The following POTEC variants were observed in gnomAD, a reference collection of about 807,000 sequenced individuals.
The protein encoded by POTEC is POTE ankyrin domain family member C.
In POTEC, 35 loss-of-function variants were observed where a neutral mutation model predicts 62.0. The ratio of observed to expected loss-of-function variants is 0.56; its 90% CI spans 0.43 to 0.75. The LOEUF (loss-of-function observed/expected upper bound fraction) is 0.75, where lower values mean the gene tolerates loss of function less well. Among genes scored for constraint, POTEC ranks in the 30% least tolerant of loss-of-function variants. The pLI, the probability that POTEC is intolerant of heterozygous loss-of-function variation, is 0.00. For synonymous variants in POTEC, 156 were observed against 221.5 expected, an observed-to-expected ratio of 0.70 and a Z score of 2.62; for missense variants, 472 against 655.9, an observed-to-expected ratio of 0.72 and a Z score of 3.06.
In POTEC at chr18:14,543,013, G is replaced by A. The variant is rs762547258; in HGVS notation, c.134C>T (p.Thr45Ile). 8.1e-6 allele frequency: 13 copies of A among 1,613,446 alleles called. No homozygotes were observed. In the African/African-American group the frequency reaches 1.1e-4, roughly 13 times the overall value. The change falls in exon 1 of 11, where the codon ACT (threonine) becomes ATT (isoleucine). Residue 45 changes from threonine to isoleucine, a missense_variant. Thr to Ile is a moderately conservative substitution (Grantham distance 89, BLOSUM62 -1). Around this residue, in one of 5 missense-constraint regions of POTEC, gnomAD observed 257 missense variants for 250.7 expected, o/e 1.03. Coordinates refer to ENST00000358970, the MANE Select transcript of POTEC (RefSeq NM_001137671.2). ...AAAGGAGTCGTCGTGGTCTCCAGAAGTGCCCATGTTGCTCTTGCCGCTCCC... is the reference window on the plus strand; with the variant it reads ...AAAGGAGTCGTCGTGGTCTCCAGAAATGCCCATGTTGCTCTTGCCGCTCCC... ...CKGSGKSNMG[T>I]SGDHDDSFMK...
chr18:14,543,442 A>C lies in POTEC; in HGVS notation c.-296T>G. On this transcript the variant is annotated 5_prime_UTR_variant, in exon 1 of 11. Transcript: ENST00000358970. Reference sequence around the variant, plus strand: ...GTCAAGGGAATGCCAAACCCAGCAGAGAAAAAGTCAAGCCCAGCAAAGGAA... The same window carrying C: ...GTCAAGGGAATGCCAAACCCAGCAGCGAAAAAGTCAAGCCCAGCAAAGGAA... 1.8e-6 allele frequency: 1 copy of C among 568,574 alleles called. No homozygotes were observed. 35.2% of individuals were successfully genotyped at this position (568,574 alleles called of 1,614,324 possible).
chr18:14,524,616 G>C (rs1910389773), intron 7 of POTEC, among the ~76,000 whole-genome samples: 1 of 151,874 alleles, frequency 6.6e-6, no homozygotes, highest in Non-Finnish European at 1.5e-5. Context: ...AATCAAAAAG[G>C]CAGATAAGAA....
chr18:14,543,134 C>A lies in POTEC; in HGVS notation c.13G>T (p.Val5Phe). MVTE[V>F]CSMPAASAVK... ...GCAGAGGCAGCGGGCATTGAACAAACCTCAGTCACCATCTGCTTTTAACAG... is the reference window on the plus strand; with the variant it reads ...GCAGAGGCAGCGGGCATTGAACAAAACTCAGTCACCATCTGCTTTTAACAG... The change falls in exon 1 of 11, where the codon GTT becomes TTT. Residue 5 changes from valine to phenylalanine, a missense_variant. By Grantham distance (50) the Val-to-Phe change is conservative. Transcript: ENST00000358970. The A allele has an allele frequency of 6.2e-7, 1 of 1,613,904 alleles. No homozygotes were observed. The highest frequency in any genetic ancestry group is 8.5e-7 in the Non-Finnish European group (1 of 1,179,858).
Position 14,508,259 on chromosome 18 carries a change from T to C in POTEC, c.*3639A>G, listed in dbSNP as rs1909898634. The C allele has an allele frequency of 6.6e-6, 1 of 152,656 alleles. No individual in the cohort carries two copies. Among genetic ancestry groups the C allele is most frequent in the African/African-American group, 2.4e-5 (1 of 41,464 alleles). 9.5% of individuals were successfully genotyped at this position (152,656 alleles called of 1,614,324 possible). A position where few individuals can be genotyped will look rare whatever the true frequency, so the allele number is the denominator to read the frequency against. On this transcript the variant is annotated 3_prime_UTR_variant, in exon 11 of 11. Transcript: ENST00000358970. The stretch of plus-strand genomic sequence containing the variant: ...CCATATTTCTCGGATGTTTTGTTCA[T>C]TCCCTTTCATTCTTTTTTCCCCCAT...
chr18:14,519,718 AAAAAAG>A (rs1318551810), intron 9 of POTEC, among the ~76,000 whole-genome samples: 1 of 152,090 alleles, frequency 6.6e-6, no homozygotes, highest in African/African-American at 2.4e-5. Context: ...CTCTGTCTCC[AAAAAAG>A]AAAAAGAAAA....
At position 14,542,665 on chromosome 18, in the gene POTEC, A is replaced by G; in HGVS notation, c.482T>C (p.Leu161Pro). ...CCTCTTGTTCATGTCCGTGTCCCTG[A>G]GCATGACGATGAGATCCTTTCTGGG... ...KVPRKDLIVM[L>P]RDTDMNKRDK... is the part of the protein sequence containing the mutation. Residue 161 changes from leucine (L) to proline (P), a missense_variant, in exon 1 of 11, where the codon CTC becomes CCC. This residue lies in a region of POTEC where 257 missense variants were observed against 250.7 expected (regional missense o/e 1.03). Transcript: ENST00000358970. 1 of 1,612,752 alleles carries G rather than the reference A, an allele frequency of 6.2e-7. No individual in the cohort carries two copies. Among genetic ancestry groups the G allele is most frequent in the Non-Finnish European group, 8.5e-7 (1 of 1,179,940 alleles).
chr18:14,525,330 A>T (rs567910132), intron 6 of POTEC, among the ~76,000 whole-genome samples: 1 of 152,240 alleles, frequency 6.6e-6, no homozygotes, highest in African/African-American at 2.4e-5. Flanking sequence ...TTAGTTTTAA[A>T]GAGAAACAAG....
rs769386713 is a variant in POTEC, at chr18:14,529,064, C to T, written c.1126+1419G>A. On this transcript the variant is annotated intron_variant, in intron 6 of 10. Coordinates refer to ENST00000358970, the MANE Select transcript of POTEC (RefSeq NM_001137671.2). ...TCTTTACCTAGAAAAATTCTTCTCACTCTGCATGCTTACCTTGAATCATAC... is the reference window on the plus strand; with the variant it reads ...TCTTTACCTAGAAAAATTCTTCTCATTCTGCATGCTTACCTTGAATCATAC... The T allele has an allele frequency of 6.6e-5, 30 of 453,990 alleles. 1 individual carries two copies. The highest frequency in any genetic ancestry group is 4.5e-4 in the South Asian group (29 of 64,402). The allele number at this position is 453,990 out of a possible 1,614,324, so 28.1% of individuals were successfully genotyped here.
In POTEC at chr18:14,510,472, G is replaced by A. The variant is rs1252296033; in HGVS notation, c.*1426C>T. On this transcript the variant is annotated 3_prime_UTR_variant, in exon 11 of 11. Coordinates refer to ENST00000358970, the MANE Select transcript of POTEC (RefSeq NM_001137671.2). ...TGCCCATCGAGGAGATATGGAAATG[G>A]GCACCCACATAACAGTCTGGCCACT... 6.6e-6 allele frequency: 1 copy of A among 151,692 alleles called. No individual in the cohort carries two copies. Among genetic ancestry groups the A allele is most frequent in the South Asian group, 2.1e-4 (1 of 4,782 alleles). The allele number at this position is 151,692 out of a possible 1,614,324, so 9.4% of individuals were successfully genotyped here.
At chr18:14,512,729 C>T (rs1330534892) in intron 10 of POTEC, among the ~76,000 whole-genome samples, 3 of 152,150 alleles carry the variant, frequency 2.0e-5, no homozygotes, top group African/African-American at 7.2e-5. Context: ...TGAGTTTGTG[C>T]CACTGCACTC....
In POTEC at chr18:14,537,211, A is replaced by ACACACACACACAC. The variant is rs1555624120; in HGVS notation, c.810+589_810+590insGTGTGTGTGTGTG. On this transcript the variant is annotated intron_variant, in intron 3 of 10. Coordinates refer to ENST00000358970, the MANE Select transcript of POTEC (RefSeq NM_001137671.2). ...CACACACACACACACACACACACAC[A>ACACACACACACAC]AAAAAAAAAAAAAACAAAAAAAAAC... Among the ~76,000 whole-genome samples, 20 of 49,030 alleles carry ACACACACACACAC rather than the reference A, an allele frequency of 4.1e-4. No homozygotes were observed. In the East Asian group the frequency reaches 9.4e-3, roughly 23 times the overall value. 32.2% of individuals were successfully genotyped at this position (49,030 alleles called of 152,430 possible). A position where few individuals can be genotyped will look rare whatever the true frequency, so the allele number is the denominator to read the frequency against.
rs537779282 is a variant in POTEC at position 14,540,982 on chromosome 18, C to T, written c.521+1644G>A. Among the ~76,000 whole-genome samples the T allele has an allele frequency of 1.6e-3, 245 of 152,142 alleles. 2 individuals are homozygous for T. The highest frequency in any genetic ancestry group is 3.3e-3 in the South Asian group (16 of 4,814). Reference sequence around the variant, plus strand: ...CTCAGCTCACTGCAACCTCCGTCTCCCTGGTTCAAGCAATTCTCCTGCCTC... The same window carrying T: ...CTCAGCTCACTGCAACCTCCGTCTCTCTGGTTCAAGCAATTCTCCTGCCTC... On this transcript the variant is annotated intron_variant, in intron 1 of 10. Coordinates refer to ENST00000358970, the MANE Select transcript of POTEC (RefSeq NM_001137671.2).
chr18:14,534,479 G>C (rs1905640223), intron 4 of POTEC, among the ~76,000 whole-genome samples: 1 of 151,464 alleles, frequency 6.6e-6, no homozygotes, highest in Non-Finnish European at 1.5e-5. Flanking sequence ...AAAGATAAAA[G>C]GATTTTCAAC....
At chr18:14,516,295 ATT>A (rs1232942854) in intron 9 of POTEC, among the ~76,000 whole-genome samples, 323 of 25,324 alleles carry the variant, frequency 0.013, 28 homozygotes, top group South Asian at 0.048. Flanking sequence ...AATAAAGAAA[ATT>A]TTATATATAT....
rs767241330 is a variant in POTEC at position 14,537,920 on chromosome 18, C to A, written c.691G>T (p.Asp231Tyr). 8.1e-6 allele frequency: 13 copies of A among 1,612,488 alleles called. No individual in the cohort carries two copies. The East Asian group carries it at 8.9e-5, about 11-fold the overall frequency. ...CVLMLLEHGA[D>Y]QNIPDEYGNT... ...CCATACTCATCTGGAATATTTTGAT[C>A]AGCGCCATGTTCCAGCAACATTAAC... Residue 231 changes from aspartate (D) to tyrosine (Y), a missense_variant, in exon 3 of 11, where the codon GAT becomes TAT. Asp to Tyr is a radical substitution (Grantham distance 160, BLOSUM62 -3). Transcript: ENST00000358970.
intron 9 of POTEC, among the ~76,000 whole-genome samples, chr18:14,514,817 C>G (rs568160555): frequency 6.6e-6 from 1 of 152,048 alleles, no homozygotes; most frequent in Non-Finnish European, 1.5e-5. Context: ...CAGACTCCTA[C>G]AAAACACTCC....
intron 10 of POTEC, among the ~76,000 whole-genome samples, chr18:14,512,783 AC>A (rs1910042478): frequency 1.3e-5 from 2 of 152,146 alleles, no homozygotes; most frequent in African/African-American, 2.4e-5. Context: ...ATACACACAC[AC>A]ACACACACAC....
rs1211670946 is a variant in POTEC at position 14,513,740 on chromosome 18, G to A, written c.1455C>T (p.Asn485=). 1.2e-6 allele frequency: 2 copies of A among 1,610,572 alleles called. No homozygotes were observed. Among genetic ancestry groups the A allele is most frequent in the South Asian group, 2.2e-5 (2 of 90,484 alleles). ...GAATCTCATCTTGTGATATTCCAGT[G>A]TTCTGTTCTTCAGAAAGTTGTTTCC... The part of the protein sequence containing the change: ...DTRKQLSEEQ[N]TGISQDEILT... Residue 485 remains asparagine (N), a synonymous_variant, in exon 10 of 11, where the codon AAC becomes AAT. Transcript: ENST00000358970.
At chr18:14,526,818 T>C (rs1027484327) in intron 6 of POTEC, among the ~76,000 whole-genome samples, 2 of 152,098 alleles carry the variant, frequency 1.3e-5, no homozygotes, top group Non-Finnish European at 2.9e-5. Context: ...TCAAGAGTGG[T>C]CCCTGGTCCT....
Sources: gnomAD v4.1 joint callset for allele counts (sites outside exome capture counted in the v4.1 genomes callset) on GRCh38, gnomAD v4.1.1 for gene constraint, gnomAD v4.1.1 regional missense constraint, MANE v1.5 for transcripts, NCBI Gene and HGNC (gene_info 2026-07-23, HGNC 2026-07-21) for gene names.